Variants in CENPM observed in about 807,000 individuals in gnomAD.
CENPM encodes the protein interphase centromere complex protein 39.
Under a neutral mutation model 19.6 loss-of-function variants are expected in CENPM, and 14 were observed. That is an observed-to-expected ratio of 0.71 (90% confidence interval 0.47 to 1.11). The LOEUF is 1.11. CENPM is among the 50% of genes most tolerant of loss of function. The pLI, the probability that CENPM is intolerant of heterozygous loss-of-function variation, is 0.00. For missense variants in CENPM, 239 were observed against 228.4 expected, an observed-to-expected ratio of 1.05 and a Z score of -0.30; for synonymous variants, 114 against 101.5, an observed-to-expected ratio of 1.12 and a Z score of -0.74.
intron 5 of CENPM, among the ~76,000 whole-genome samples, chr22:41,940,886 G>T (rs2077733239): frequency 6.6e-6 from 1 of 152,054 alleles, no homozygotes; most frequent in Non-Finnish European, 1.5e-5. Context: ...CCTGCCTCTG[G>T]CCAGGCTTCC....
In CENPM at chr22:41,938,824, G is replaced by A. The variant is rs1395694768; in HGVS notation, c.*232C>T. ...AACACGCCAGCTGCTTAAAGACACAGGCTCTGCAAGAGTGAGTGTGGGAGT... is the reference window on the plus strand; with the variant it reads ...AACACGCCAGCTGCTTAAAGACACAAGCTCTGCAAGAGTGAGTGTGGGAGT... On this transcript the variant is annotated 3_prime_UTR_variant, in exon 6 of 6. Transcript: ENST00000215980. The A allele has an allele frequency of 1.0e-5, 5 of 484,404 alleles. No individual in the cohort carries two copies. Among genetic ancestry groups the A allele is most frequent in the Non-Finnish European group, 1.8e-5 (5 of 273,414 alleles). 30.0% of individuals were successfully genotyped at this position (484,404 alleles called of 1,614,324 possible).
downstream of CENPM, among the ~76,000 whole-genome samples, chr22:41,935,770 T>C (rs2077681067): frequency 6.6e-6 from 1 of 152,240 alleles, no homozygotes; most frequent in African/African-American, 2.4e-5. Context: ...GGTCCCATCC[T>C]GAGGCAGGAA....
At chr22:41,928,841 C>T in the CENPM span, among the ~76,000 whole-genome samples, 1 of 144,328 alleles carries the variant, frequency 6.9e-6, no homozygotes, top group African/African-American at 2.5e-5. This position sits in a 1 kb window ranked among gnomAD's most constrained non-coding sequence, Gnocchi z 4.0. Context: ...TGGCCCACGT[C>T]CAGGGCAGGT....
chr22:41,945,995 T>C lies in CENPM; in HGVS notation c.148A>G (p.Lys50Glu). ...ACACTGGAGGGCAAAGGGAGGGACTTTGCCAAGTGGCTGAAAAACAGGAAA... is the reference window on the plus strand; with the variant it reads ...ACACTGGAGGGCAAAGGGAGGGACTCTGCCAAGTGGCTGAAAAACAGGAAA... ...CASELKVHLA[K>E]SLPLPSSVNR... is the part of the protein sequence containing the mutation. The change falls in exon 3 of 6, where the codon AAG becomes GAG. Residue 50 changes from lysine to glutamate, a missense_variant. Lys to Glu is a moderately conservative substitution (Grantham distance 56). Coordinates refer to ENST00000215980, the MANE Select transcript of CENPM (RefSeq NM_024053.5). The C allele has an allele frequency of 6.2e-7, 1 of 1,613,888 alleles. No individual in the cohort carries two copies. The highest frequency in any genetic ancestry group is 8.5e-7 in the Non-Finnish European group (1 of 1,179,892).
chr22:41,944,085 G>T, intron 4 of CENPM: 1 of 985,044 alleles, frequency 1.0e-6, no homozygotes, highest in African/African-American at 1.7e-5. Context: ...GCTGAGTTTT[G>T]AGGTATTTGT....
At chr22:41,927,587 C>T in the CENPM span, among the ~76,000 whole-genome samples, 1 of 149,884 alleles carries the variant, frequency 6.7e-6, no homozygotes, top group Admixed American at 6.8e-5. Context: ...GCAACCTCTG[C>T]CTCCCAGATT....
intron 4 of CENPM, among the ~76,000 whole-genome samples, chr22:41,944,452 A>G (rs1413661478): frequency 1.3e-5 from 2 of 151,850 alleles, no homozygotes; most frequent in African/African-American, 2.4e-5. Context: ...AAAAAAAAAA[A>G]AAAGGGACGG....
chr22:41,929,693 G>A, the CENPM span, among the ~76,000 whole-genome samples: 2 of 151,888 alleles, frequency 1.3e-5, no homozygotes, highest in Non-Finnish European at 2.9e-5. Flanking sequence ...TTTGCTGGGC[G>A]CTCCCTATGT....
the CENPM span, among the ~76,000 whole-genome samples, chr22:41,930,108 A>T: frequency 1.6e-4 from 20 of 126,626 alleles, no homozygotes; most frequent in Middle Eastern, 5.5e-3. Flanking sequence ...CATGCCCGGC[A>T]AATTTTTTGT....
chr22:41,938,647 G>A (rs930070930), downstream of CENPM: 2 of 163,264 alleles, frequency 1.2e-5, no homozygotes, highest in African/African-American at 4.8e-5. Flanking sequence ...TTACAGGCGT[G>A]AGCCTCTGCA....
At chr22:41,929,742 G>A in the CENPM span, among the ~76,000 whole-genome samples, 2 of 149,158 alleles carry the variant, frequency 1.3e-5, no homozygotes, top group Admixed American at 6.8e-5. Flanking sequence ...TGCGGGATTC[G>A]TGTCTGTGTT....
chr22:41,932,331 T>A, the CENPM span, among the ~76,000 whole-genome samples: 1 of 152,114 alleles, frequency 6.6e-6, no homozygotes, highest in East Asian at 1.9e-4. This position sits in a 1 kb window ranked among gnomAD's most constrained non-coding sequence, Gnocchi z 4.3. Context: ...CCTCGGTTCA[T>A]TGGGAGAGGG....
intron 5 of CENPM, among the ~76,000 whole-genome samples, chr22:41,939,408 G>A (rs78296187): frequency 0.029 from 4,434 of 152,220 alleles, 202 homozygotes; most frequent in African/African-American, 0.1. Flanking sequence ...AACAACCTCC[G>A]GAGACATCCA....
In CENPM at chr22:41,939,073, A is replaced by T; in HGVS notation, c.526T>A (p.Ser176Thr). The T allele has an allele frequency of 6.2e-7, 1 of 1,613,004 alleles. No homozygotes were observed. Among genetic ancestry groups the T allele is most frequent in the South Asian group, 1.1e-5 (1 of 91,062 alleles). Residue 176 changes from serine to threonine, a missense_variant, in exon 6 of 6, where the codon TCC (serine) becomes ACC (threonine). Physicochemically the swap from Ser to Thr is moderately conservative, Grantham distance 58. Transcript: ENST00000215980. Reference sequence around the variant, plus strand: ...AGCCACCCTCACAGGTCCTCCAGGGAGGGGCCCTCAGAGCTTCTCAGCAGG... The same window carrying T: ...AGCCACCCTCACAGGTCCTCCAGGGTGGGGCCCTCAGAGCTTCTCAGCAGG... ...LSLLRSSEGP[S>T]LEDL
downstream of CENPM, among the ~76,000 whole-genome samples, chr22:41,936,820 C>A (rs571975230): frequency 6.6e-6 from 1 of 152,032 alleles, no homozygotes; most frequent in South Asian, 2.1e-4. Context: ...CTCAGCTGCT[C>A]GGGAGGCTGA....
chr22:41,936,683 C>A (rs2077685286), downstream of CENPM, among the ~76,000 whole-genome samples: 1 of 152,226 alleles, frequency 6.6e-6, no homozygotes, highest in African/African-American at 2.4e-5. Flanking sequence ...AATCCCAGCA[C>A]TTTGGGAGGC....
At chr22:41,931,686 C>T in the CENPM span, among the ~76,000 whole-genome samples, 1 of 152,180 alleles carries the variant, frequency 6.6e-6, no homozygotes, top group Admixed American at 6.5e-5. Context: ...ATGGGAGGGG[C>T]CTGCAGGGGG....
At position 41,947,043 on chromosome 22, in the gene CENPM, C is replaced by T; in HGVS notation, c.34G>A (p.Gly12Ser). The change falls in exon 1 of 6, where the codon GGC becomes AGC. Residue 12 changes from glycine to serine, a missense_variant. Transcript: ENST00000215980. ...ACCAAGATGGTGGCCGTGTTCAGGC[C>T]GGGCAGCTTGTCCAGGGGCCTCAAC... ...SVLRPLDKLP[G>S]LNTATILLVG... 6.2e-7 allele frequency: 1 copy of T among 1,612,926 alleles called. No individual in the cohort carries two copies. Among genetic ancestry groups the T allele is most frequent in the South Asian group, 1.1e-5 (1 of 91,086 alleles).
Position 41,938,981 on chromosome 22 carries a change from G to A in CENPM, c.*75C>T, listed in dbSNP as rs1774132418. 1.9e-6 allele frequency: 3 copies of A among 1,551,452 alleles called. No homozygotes were observed. The highest frequency in any genetic ancestry group is 2.3e-5 in the East Asian group (1 of 44,150). On this transcript the variant is annotated 3_prime_UTR_variant, in exon 6 of 6. Transcript: ENST00000215980. Reference sequence around the variant, plus strand: ...AGCCTGGGCCTGTCAAGCCCTGACTGGACATCCTCAACAGAGAATGTTTAT... The same window carrying A: ...AGCCTGGGCCTGTCAAGCCCTGACTAGACATCCTCAACAGAGAATGTTTAT...
Sources: allele counts gnomAD v4.1 joint callset (sites outside exome capture counted in the v4.1 genomes callset), GRCh38; gene constraint gnomAD v4.1.1; non-coding constraint Gnocchi (gnomAD v3.1); transcripts MANE v1.5; gene names NCBI Gene and HGNC (gene_info 2026-07-23, HGNC 2026-07-21).